The following CFAP210 variants were observed in gnomAD, a reference collection of about 807,000 sequenced individuals.
CFAP210 encodes the protein cilia and flagella associated protein 210.
chr2:169,668,575 T>C, the CFAP210 span, among the ~76,000 whole-genome samples: 6 of 152,230 alleles, frequency 3.9e-5, no homozygotes, highest in African/African-American at 1.4e-4. Context: ...GACGTGCAAC[T>C]CTTCCTTTCA....
chr2:169,667,283 T>G, the CFAP210 span, among the ~76,000 whole-genome samples: 1 of 151,876 alleles, frequency 6.6e-6, no homozygotes, highest in Non-Finnish European at 1.5e-5. Flanking sequence ...GGATTACAGG[T>G]GCCCGCCACC....
the CFAP210 span, among the ~76,000 whole-genome samples, chr2:169,652,375 A>G: frequency 7.4e-4 from 112 of 152,362 alleles, no homozygotes; most frequent in South Asian, 0.023. Flanking sequence ...TATTTTAAAC[A>G]GTTTTATTGA....
chr2:169,650,288 CTCTG>C, the CFAP210 span: 61 of 1,498,898 alleles, frequency 4.1e-5, no homozygotes, highest in Admixed American at 1.2e-4. Context: ...AAGGTCCTAA[CTCTG>C]TCTTTCTATT....
chr2:169,650,313 TAATTG>T, the CFAP210 span: 1 of 1,541,306 alleles, frequency 6.5e-7, no homozygotes, highest in Non-Finnish European at 8.7e-7. Flanking sequence ...TTTATTTTCA[TAATTG>T]AATTGTTTAC....
chr2:169,654,053 T>A, the CFAP210 span: 2 of 1,593,266 alleles, frequency 1.3e-6, no homozygotes, highest in Non-Finnish European at 1.7e-6. Flanking sequence ...AGTACTTTAT[T>A]ATACACATTA....
the CFAP210 span, among the ~76,000 whole-genome samples, chr2:169,687,130 C>A: frequency 1.6e-3 from 244 of 152,240 alleles, no homozygotes; most frequent in African/African-American, 5.6e-3. Flanking sequence ...AATTACCTCT[C>A]CCTGGGTCCC....
At chr2:169,671,740 G>A in the CFAP210 span, among the ~76,000 whole-genome samples, 11 of 152,352 alleles carry the variant, frequency 7.2e-5, no homozygotes, top group East Asian at 2.1e-3. Context: ...AAAATGCTGG[G>A]ATTGGGAGGC....
the CFAP210 span, chr2:169,649,439 A>G: frequency 8.7e-7 from 1 of 1,154,532 alleles, no homozygotes; most frequent in South Asian, 1.5e-5. Context: ...GAAGCAGAGG[A>G]GAGTCAGCCA....
At chr2:169,662,355 T>G in the CFAP210 span, 1 of 1,606,296 alleles carries the variant, frequency 6.2e-7, no homozygotes, top group Non-Finnish European at 8.5e-7. Flanking sequence ...TTTCATATAA[T>G]GCATTCTGTC....
the CFAP210 span, chr2:169,681,095 G>A: frequency 1.9e-6 from 3 of 1,613,892 alleles, no homozygotes; most frequent in Non-Finnish European, 1.7e-6. Context: ...GAGGCATGCT[G>A]CTTCTCTTGT....
the CFAP210 span, among the ~76,000 whole-genome samples, chr2:169,667,852 G>A: frequency 1.3e-5 from 2 of 152,090 alleles, no homozygotes; most frequent in Non-Finnish European, 2.9e-5. Context: ...CCCAGGCAGA[G>A]AAGATTTAAC....
At chr2:169,666,857 C>T in the CFAP210 span, among the ~76,000 whole-genome samples, 1 of 152,298 alleles carries the variant, frequency 6.6e-6, no homozygotes, top group South Asian at 2.1e-4. Flanking sequence ...AGCATCTTCA[C>T]CCACAGTAGA....
chr2:169,649,952 A>AAAC, the CFAP210 span, among the ~76,000 whole-genome samples: 1 of 152,122 alleles, frequency 6.6e-6, no homozygotes, highest in Non-Finnish European at 1.5e-5. Flanking sequence ...CAATGTGTAT[A>AAAC]AACTATCCAA....
At chr2:169,683,021 A>G in the CFAP210 span, among the ~76,000 whole-genome samples, 1 of 152,176 alleles carries the variant, frequency 6.6e-6, no homozygotes, top group Non-Finnish European at 1.5e-5. Context: ...GGCAGAAGCA[A>G]GAAAATCACG....
the CFAP210 span, among the ~76,000 whole-genome samples, chr2:169,693,293 T>C: frequency 6.6e-6 from 1 of 152,248 alleles, no homozygotes; most frequent in African/African-American, 2.4e-5. Context: ...ATTTAACAAC[T>C]ATTAGGTAAA....
the CFAP210 span, among the ~76,000 whole-genome samples, chr2:169,677,550 G>A: frequency 6.6e-6 from 1 of 152,072 alleles, no homozygotes; most frequent in East Asian, 1.9e-4. Flanking sequence ...CAACAATTTC[G>A]ATATAGAAGG....
chr2:169,674,471 T>C, the CFAP210 span: 3 of 948,762 alleles, frequency 3.2e-6, no homozygotes, highest in South Asian at 3.4e-5. Context: ...GTACTTTTTC[T>C]ACTGACTAAT....
the CFAP210 span, among the ~76,000 whole-genome samples, chr2:169,667,191 T>G: frequency 1.3e-5 from 2 of 148,738 alleles, no homozygotes; most frequent in African/African-American, 5.0e-5. Context: ...CAGGCTGGAG[T>G]GCAATGGCGC....
the CFAP210 span, chr2:169,650,370 TG>T: frequency 1.2e-6 from 2 of 1,601,124 alleles, no homozygotes. Flanking sequence ...AATTCTGCTT[TG>T]TTTTTTTCAT....
Sources: allele counts gnomAD v4.1 joint callset (sites outside exome capture counted in the v4.1 genomes callset), GRCh38; gene constraint gnomAD v4.1.1; transcripts MANE v1.5; gene names NCBI Gene and HGNC (gene_info 2026-07-23, HGNC 2026-07-21).